Variants in KLHL13 observed in about 807,000 individuals in gnomAD.
The protein encoded by KLHL13 is kelch-like protein 13.
A neutral mutation model predicts 37.1 loss-of-function variants in KLHL13; 10 were observed. The observed-to-expected ratio is 0.27, with a 90% CI of 0.17 to 0.46. The LOEUF (loss-of-function observed/expected upper bound fraction) is 0.46. Ranked by LOEUF, KLHL13 falls within the 20% of genes least tolerant of loss-of-function variation. KLHL13 has a pLI of 1.00. For synonymous variants in KLHL13, 163 were observed against 181.2 expected, an observed-to-expected ratio of 0.90 and a Z score of 0.81; for missense variants, 360 against 509.3, an observed-to-expected ratio of 0.71 and a Z score of 2.82.
intron 1 of KLHL13, among the ~76,000 whole-genome samples, chrX:118,113,204 C>T (rs894511405): frequency 4.5e-5 from 5 of 111,635 alleles, no homozygotes; most frequent in Non-Finnish European, 9.4e-5. Context: ...GTAGAGGAAC[C>T]GAATTACATG....
intron 2 of KLHL13, among the ~76,000 whole-genome samples, chrX:117,943,968 T>C (rs1274700468): frequency 9.0e-6 from 1 of 111,431 alleles, no homozygotes; most frequent in African/African-American, 3.3e-5. Flanking sequence ...TGTGGATTTA[T>C]CTACCTTTGG....
At position 118,044,952 on chromosome X, in the gene KLHL13, C is replaced by T. The variant is rs777929389; in HGVS notation, c.-56+71556G>A. The stretch of plus-strand genomic sequence containing the variant: ...AACAATCAACAAAATGAAGAGACAA[C>T]GATAGATGGATAATTTGCATCTATT... On this transcript the variant is annotated intron_variant, in intron 1 of 6. Coordinates refer to the KLHL13 transcript ENST00000371882. 7.1e-5 allele frequency among the ~76,000 whole-genome samples: 8 copies of T among 112,087 alleles called. No homozygotes were observed. The South Asian group carries it at 1.9e-3, about 26-fold the overall frequency.
chrX:118,036,814 A>G (rs765073570), intron 1 of KLHL13, among the ~76,000 whole-genome samples: 2,328 of 110,832 alleles, frequency 0.021, 74 homozygotes, highest in African/African-American at 0.071. Context: ...GAAACCTAAA[A>G]AATGGGAGAA....
intron 2 of KLHL13, among the ~76,000 whole-genome samples, chrX:117,933,665 A>G (rs1932583899): frequency 9.0e-6 from 1 of 111,545 alleles, no homozygotes; most frequent in Non-Finnish European, 1.9e-5. Flanking sequence ...GAGTACATCA[A>G]ACTAAAAAGC....
At chrX:118,013,821 A>G (rs975524797) in intron 1 of KLHL13, among the ~76,000 whole-genome samples, 7 of 112,514 alleles carry the variant, frequency 6.2e-5, no homozygotes, top group African/African-American at 2.3e-4. Flanking sequence ...ACATTTATCA[A>G]TTCCCAAAAT....
At chrX:118,110,376 TC>T (rs1230723800) in intron 1 of KLHL13, among the ~76,000 whole-genome samples, 4 of 101,156 alleles carry the variant, frequency 4.0e-5, no homozygotes, top group African/African-American at 1.1e-4. Flanking sequence ...TATTTCTTTT[TC>T]TTTTTTTTTT....
chrX:118,011,842 A>G (rs2054073416), intron 1 of KLHL13, among the ~76,000 whole-genome samples: 1 of 112,586 alleles, frequency 8.9e-6, no homozygotes. Flanking sequence ...GAGATCCAAA[A>G]TATTAACAGC....
At chrX:118,019,478 C>A (rs1344612557) in intron 1 of KLHL13, among the ~76,000 whole-genome samples, 2 of 110,330 alleles carry the variant, frequency 1.8e-5, no homozygotes, top group Admixed American at 1.9e-4. Context: ...TTTTGCTGTG[C>A]AGAAGCTCTT....
chrX:117,926,967 G>A lies in KLHL13; in HGVS notation c.241-6597C>T, dbSNP rs187185247. On this transcript the variant is annotated intron_variant, in intron 2 of 6. Coordinates refer to ENST00000262820, the Ensembl canonical transcript of KLHL13. ...GTCGCCCAGGCTGGAGTGCAGTGGC[G>A]CAATCTCGGCTCACTGCAACCTCCG... is the stretch of plus-strand genomic sequence containing the variant. Among the ~76,000 whole-genome samples, 316 of 91,036 alleles carry A rather than the reference G, an allele frequency of 3.5e-3. 9 individuals are homozygous for A. The Admixed American group carries it at 0.038, about 11-fold the overall frequency. The allele number at this position is 91,036 out of a possible 115,157, so 79.1% of individuals were successfully genotyped here.
At chrX:118,028,608 T>C (rs2054300149) in intron 1 of KLHL13, 111 bp from the exon 2 acceptor site, 1 of 395,921 alleles carries the variant, frequency 2.5e-6, no homozygotes, top group South Asian at 5.4e-5. Context: ...AAAGGAAAAA[T>C]GTATGCCCCT....
chrX:117,963,580 C>T (rs1004462511), intron 1 of KLHL13, among the ~76,000 whole-genome samples: 11 of 105,365 alleles, frequency 1.0e-4, no homozygotes, highest in African/African-American at 3.8e-4. Flanking sequence ...TGGGTATATA[C>T]CCAGTAATGG....
At chrX:118,103,296 C>T (rs985042182) in intron 1 of KLHL13, among the ~76,000 whole-genome samples, 1 of 111,527 alleles carries the variant, frequency 9.0e-6, no homozygotes, top group Non-Finnish European at 1.9e-5. Context: ...ATCCTACCTA[C>T]TAGCTGTGAG....
intron 1 of KLHL13, among the ~76,000 whole-genome samples, chrX:117,989,373 T>C (rs955891386): frequency 3.6e-5 from 4 of 109,932 alleles, no homozygotes; most frequent in Non-Finnish European, 7.6e-5. Context: ...GGTCTCCTGA[T>C]ACCTAATTTG....
At chrX:118,112,236 A>G (rs2055419744) in intron 1 of KLHL13, among the ~76,000 whole-genome samples, 1 of 112,583 alleles carries the variant, frequency 8.9e-6, no homozygotes, top group Non-Finnish European at 1.9e-5. Context: ...ACAAGACAGT[A>G]TTTATTCATT....
chrX:117,939,300 T>C (rs1372913296), intron 2 of KLHL13, among the ~76,000 whole-genome samples: 1 of 112,369 alleles, frequency 8.9e-6, no homozygotes, highest in African/African-American at 3.2e-5. Flanking sequence ...TAGTATTCCA[T>C]GGTGTGTATG....
intron 1 of KLHL13, among the ~76,000 whole-genome samples, chrX:118,007,599 C>T (rs190495594): frequency 9.0e-6 from 1 of 111,482 alleles, no homozygotes; most frequent in Non-Finnish European, 1.9e-5. Flanking sequence ...AAACAGACTG[C>T]AAAGGTCACT....
At chrX:118,003,196 T>C (rs2053944931) in intron 1 of KLHL13, among the ~76,000 whole-genome samples, 1 of 112,123 alleles carries the variant, frequency 8.9e-6, no homozygotes, top group Admixed American at 9.5e-5. Flanking sequence ...GCAATAGGTT[T>C]TTAAAATACC....
chrX:117,942,922 A>T (rs899488949), intron 2 of KLHL13, among the ~76,000 whole-genome samples: 2 of 111,219 alleles, frequency 1.8e-5, no homozygotes, highest in African/African-American at 6.5e-5. Flanking sequence ...TCATAGTGTC[A>T]ATGATCTTTA....
chrX:117,982,567 T>C (rs189928712), intron 1 of KLHL13, among the ~76,000 whole-genome samples: 1 of 111,956 alleles, frequency 8.9e-6, no homozygotes, highest in East Asian at 2.8e-4. Context: ...TATGCTGCAA[T>C]ACATATACCA....
Sources: allele counts gnomAD v4.1 joint callset (sites outside exome capture counted in the v4.1 genomes callset), GRCh38; gene constraint gnomAD v4.1.1; transcripts MANE v1.5; gene names NCBI Gene and HGNC (gene_info 2026-07-23, HGNC 2026-07-21).